Variants in GNB4 observed in about 807,000 individuals in gnomAD.
The protein encoded by GNB4 is G protein subunit beta 4.
In GNB4, 28 loss-of-function variants were observed where a neutral mutation model predicts 45.2. The observed-to-expected ratio is 0.62, with a 90% CI of 0.46 to 0.85. The LOEUF (loss-of-function observed/expected upper bound fraction) is 0.85, where lower values mean the gene tolerates loss of function less well. Ranked by LOEUF, GNB4 falls within the 40% of genes least tolerant of loss-of-function variation. The pLI, the probability that GNB4 is intolerant of heterozygous loss-of-function variation, is 0.00. For missense variants in GNB4, 321 were observed against 425.4 expected (o/e 0.75, Z 2.16); for synonymous variants, 132 against 143.7 (o/e 0.92, Z 0.58).
At chr3:179,498,719 C>CACCGTG in the GNB4 span, among the ~76,000 whole-genome samples, 1 of 150,292 alleles carries the variant, frequency 6.7e-6, no homozygotes, top group South Asian at 2.1e-4. Context: ...AGGCGTGAGC[C>CACCGTG]ACCGTGTCTG....
the GNB4 span, among the ~76,000 whole-genome samples, chr3:179,516,578 G>A: frequency 6.6e-6 from 1 of 152,202 alleles, no homozygotes; most frequent in Non-Finnish European, 1.5e-5. Flanking sequence ...ACTGAGAAGT[G>A]ATTTCCTTGA....
chr3:179,459,540 G>A, the GNB4 span, among the ~76,000 whole-genome samples: 4 of 152,042 alleles, frequency 2.6e-5, no homozygotes, highest in Non-Finnish European at 5.9e-5. Flanking sequence ...AAATTAGCCG[G>A]GCTTGGTGAT....
At chr3:179,522,007 C>A in the GNB4 span, among the ~76,000 whole-genome samples, 2 of 152,030 alleles carry the variant, frequency 1.3e-5, no homozygotes, top group South Asian at 2.1e-4. Flanking sequence ...CATACCACCC[C>A]CAAAAATTTT....
At chr3:179,407,313 G>A (rs777489443) in intron 8 of GNB4, among the ~76,000 whole-genome samples, 2 of 152,080 alleles carry the variant, frequency 1.3e-5, no homozygotes, top group African/African-American at 2.4e-5. Context: ...ACAAAAATTA[G>A]CACAGCGTGT....
chr3:179,495,992 G>T, the GNB4 span, among the ~76,000 whole-genome samples: 1 of 152,096 alleles, frequency 6.6e-6, no homozygotes, highest in African/African-American at 2.4e-5. Context: ...TTAGCAATAT[G>T]AAAATATATG....
At chr3:179,410,886 CAATA>C (rs1287339995) in intron 8 of GNB4, among the ~76,000 whole-genome samples, 20 of 152,046 alleles carry the variant, frequency 1.3e-4, no homozygotes, top group Admixed American at 1.0e-3. Context: ...AGCTGTAAGC[CAATA>C]AATATGACAA....
chr3:179,440,209 T>TG (rs1488400660), intron 1 of GNB4, among the ~76,000 whole-genome samples: 1 of 152,188 alleles, frequency 6.6e-6, no homozygotes, highest in African/African-American at 2.4e-5. Flanking sequence ...CTATGATTTT[T>TG]GGGGGGCAGC....
rs532696930 is a variant in GNB4 at position 179,399,148 on chromosome 3, A to G, written c.*2065T>C. On this transcript the variant is annotated 3_prime_UTR_variant, in exon 10 of 10. Transcript: ENST00000232564. ...TTCTTTTCTCAAAGAACTGTTCTTT[A>G]TGAAGTGATATAAATAGCCTACAAA... is the stretch of plus-strand genomic sequence containing the variant. 6.6e-6 allele frequency: 1 copy of G among 152,288 alleles called. No homozygotes were observed. The highest frequency in any genetic ancestry group is 1.5e-5 in the Non-Finnish European group (1 of 68,010). 9.4% of individuals were successfully genotyped at this position (152,288 alleles called of 1,614,324 possible). A position where few individuals can be genotyped will look rare whatever the true frequency, so the allele number is the denominator to read the frequency against.
At chr3:179,414,507 G>A (rs1714738106) in intron 6 of GNB4, among the ~76,000 whole-genome samples, 1 of 152,152 alleles carries the variant, frequency 6.6e-6, no homozygotes, top group African/African-American at 2.4e-5. Context: ...CACTATCATG[G>A]TGAAAAGCAC....
At position 179,396,196 on chromosome 3, in the gene GNB4, AAATC is replaced by A. The variant is rs894788541; in HGVS notation, c.*5013_*5016del. ...GTGTAAGAAAGATCTAAGAACAGTT[AAATC>A]ATGATACAAGTCCATAGTTTATATG... On this transcript the variant is annotated 3_prime_UTR_variant, in exon 10 of 10. Coordinates refer to ENST00000232564, the MANE Select transcript of GNB4 (RefSeq NM_021629.4). 30 of 152,242 alleles carry A rather than the reference AAATC, an allele frequency of 2.0e-4. No individual in the cohort carries two copies. The highest frequency in any genetic ancestry group is 7.2e-4 in the African/African-American group (30 of 41,468). The allele number at this position is 152,242 out of a possible 1,614,324, so 9.4% of individuals were successfully genotyped here.
chr3:179,474,798 C>T, the GNB4 span, among the ~76,000 whole-genome samples: 2 of 141,998 alleles, frequency 1.4e-5, no homozygotes, highest in South Asian at 4.5e-4. Flanking sequence ...GTCATCCCCA[C>T]TGGAGTGCAG....
At chr3:179,417,470 C>T (rs1714833448) in intron 4 of GNB4, among the ~76,000 whole-genome samples, 1 of 150,782 alleles carries the variant, frequency 6.6e-6, no homozygotes, top group South Asian at 2.1e-4. Flanking sequence ...TGCAATGGCA[C>T]GATCTCAGCC....
At position 179,399,219 on chromosome 3, in the gene GNB4, T is replaced by G. The variant is rs1714211352; in HGVS notation, c.*1994A>C. 1 of 152,184 alleles carries G rather than the reference T, an allele frequency of 6.6e-6. No individual in the cohort carries two copies. 9.4% of individuals were successfully genotyped at this position (152,184 alleles called of 1,614,324 possible). A position where few individuals can be genotyped will look rare whatever the true frequency, so the allele number is the denominator to read the frequency against. ...TCATATAATTTTTTTTTTTTCCAAT[T>G]TGAGATGGAGTCTCACTCTGTCGCC... is the stretch of plus-strand genomic sequence containing the variant. On this transcript the variant is annotated 3_prime_UTR_variant, in exon 10 of 10. Coordinates refer to ENST00000232564, the MANE Select transcript of GNB4 (RefSeq NM_021629.4).
chr3:179,420,775 T>C (rs1714956633), intron 3 of GNB4, 114 bp downstream of exon 3: 1 of 719,636 alleles, frequency 1.4e-6, no homozygotes, highest in Non-Finnish European at 2.5e-6. Context: ...TACACAGAGA[T>C]TTCATTTAAC....
At chr3:179,489,067 C>G in the GNB4 span, among the ~76,000 whole-genome samples, 1 of 90,082 alleles carries the variant, frequency 1.1e-5, no homozygotes, top group African/African-American at 4.2e-5. Context: ...AATAAAATAA[C>G]TACCTCTATT....
chr3:179,439,150 G>C (rs374674574), intron 1 of GNB4, among the ~76,000 whole-genome samples: 1 of 152,114 alleles, frequency 6.6e-6, no homozygotes, highest in African/African-American at 2.4e-5. Context: ...AAGTCTTCAC[G>C]GTGAGTCTGA....
At position 179,399,284 on chromosome 3, in the gene GNB4, C is replaced by T. The variant is rs934151542; in HGVS notation, c.*1929G>A. On this transcript the variant is annotated 3_prime_UTR_variant, in exon 10 of 10. Coordinates refer to ENST00000232564, the MANE Select transcript of GNB4 (RefSeq NM_021629.4). ...GTGGCACAATCTCGGCTCACTGCAA[C>T]CTCTGCCTCCCGGGTTCAGGCGAAT... 6.6e-6 allele frequency: 1 copy of T among 152,076 alleles called. No homozygotes were observed. The highest frequency in any genetic ancestry group is 1.5e-5 in the Non-Finnish European group (1 of 68,036). The allele number at this position is 152,076 out of a possible 1,614,324, so 9.4% of individuals were successfully genotyped here.
rs561818125 is a variant in GNB4 at position 179,397,389 on chromosome 3, TAAGTC to T, written c.*3819_*3823del. On this transcript the variant is annotated 3_prime_UTR_variant, in exon 10 of 10. Transcript: ENST00000232564. The stretch of plus-strand genomic sequence containing the variant: ...TAATAAAAGTTTCATTTTGTCACCT[TAAGTC>T]AAGATCCATTTATCTATTAATAGGT... 8 of 152,246 alleles carry T rather than the reference TAAGTC, an allele frequency of 5.3e-5. No individual in the cohort carries two copies. Among genetic ancestry groups the T allele is most frequent in the African/African-American group, 1.9e-4 (8 of 41,464 alleles). The allele number at this position is 152,246 out of a possible 1,614,324, so 9.4% of individuals were successfully genotyped here.
Position 179,401,190 on chromosome 3 carries a change from G to A in GNB4, c.*23C>T, listed in dbSNP as rs372923817. On this transcript the variant is annotated 3_prime_UTR_variant, in exon 10 of 10. Transcript: ENST00000232564. ...ATTGATTTCTCCAGATATATCAATG[G>A]AGAACAAATATGTATGACACTGTTA... 7.9e-6 allele frequency: 12 copies of A among 1,525,926 alleles called. No individual in the cohort carries two copies. Among genetic ancestry groups the A allele is most frequent in the Non-Finnish European group, 1.1e-5 (12 of 1,104,082 alleles). 94.5% of individuals were successfully genotyped at this position (1,525,926 alleles called of 1,614,324 possible). A position where few individuals can be genotyped will look rare whatever the true frequency, so the allele number is the denominator to read the frequency against.
Sources: gnomAD v4.1 joint callset for allele counts (sites outside exome capture counted in the v4.1 genomes callset) on GRCh38, gnomAD v4.1.1 for gene constraint, MANE v1.5 for transcripts, NCBI Gene and HGNC (gene_info 2026-07-23, HGNC 2026-07-21) for gene names.